FLYWCH1: variants seen among roughly 807,000 people sequenced by gnomAD.
FLYWCH1 encodes the protein FLYWCH-type zinc finger-containing protein 1.
In FLYWCH1, 75 loss-of-function variants were observed where a neutral mutation model predicts 66.4. That is an observed-to-expected ratio of 1.13 (90% confidence interval 0.94 to 1.37). The LOEUF (loss-of-function observed/expected upper bound fraction) is 1.37. Ranked by LOEUF, FLYWCH1 falls within the 40% of genes most tolerant of loss-of-function variation. FLYWCH1 has a pLI of 0.00. For missense variants in FLYWCH1, 1,334 were observed against 1,001.8 expected (o/e 1.33, Z -4.48); for synonymous variants, 595 against 429.9 (o/e 1.38, Z -4.75).
intron 4 of FLYWCH1, among the ~76,000 whole-genome samples, chr16:2,932,280 A>AAAAAC (rs2070792282): frequency 6.6e-6 from 1 of 150,864 alleles, no homozygotes; most frequent in Non-Finnish European, 1.5e-5. Flanking sequence ...CAAAAAAAAA[A>AAAAAC]AAAAAAAAAA....
chr16:2,942,167 A>T (rs139436327), intron 9 of FLYWCH1, among the ~76,000 whole-genome samples: 101 of 152,278 alleles, frequency 6.6e-4, no homozygotes, highest in African/African-American at 2.3e-3. Flanking sequence ...AAAATCAGGA[A>T]TAAAGATGAG....
chr16:2,938,607 GT>G (rs35169451), intron 8 of FLYWCH1, among the ~76,000 whole-genome samples, 151 bp downstream of exon 8: 71,543 of 129,486 alleles, frequency 0.55, 18,504 homozygotes, highest in African/African-American at 0.65. Context: ...ACCAGTCTTT[GT>G]TTTTTTTTTT....
rs1399267829 is a variant in FLYWCH1, at chr16:2,930,411, A to G, written c.327A>G (p.Ala109=). The part of the protein sequence containing the change: ...PEQKCSKLDA[A]APQSLEFLRT... ...AACCTAGCCTTCCCGTTCCCCCAGC[A>G]GCCCCTCAGTCCCTGGAGTTCCTGA... The change falls in exon 4 of 10, where the codon GCA becomes GCG. Residue 109 remains alanine (A), a splice_region_variant and synonymous_variant. Transcript: ENST00000253928. The G allele has an allele frequency of 4.1e-6, 6 of 1,450,604 alleles. No individual in the cohort carries two copies. In the South Asian group the frequency reaches 7.4e-5, roughly 18 times the overall value. 89.9% of individuals were successfully genotyped at this position (1,450,604 alleles called of 1,614,324 possible).
intron 9 of FLYWCH1, among the ~76,000 whole-genome samples, chr16:2,947,650 T>G (rs563804779): frequency 6.6e-6 from 1 of 151,764 alleles, no homozygotes; most frequent in East Asian, 1.9e-4. Context: ...TAATCCCAGC[T>G]ACTCATGAGG....
At chr16:2,932,992 A>T (rs767269772) in intron 4 of FLYWCH1, 138 bp from the exon 5 acceptor site, 1 of 735,892 alleles carries the variant, frequency 1.4e-6, no homozygotes, top group Non-Finnish European at 2.2e-6. Context: ...GGCCTCTGAC[A>T]TATCTGGCTC....
chr16:2,928,323 G>C (rs2070643579), intron 2 of FLYWCH1, among the ~76,000 whole-genome samples: 1 of 152,200 alleles, frequency 6.6e-6, no homozygotes, highest in South Asian at 2.1e-4. Context: ...GTGTCAGGCT[G>C]GGGGATGGTA....
intron 2 of FLYWCH1, among the ~76,000 whole-genome samples, chr16:2,919,365 A>G (rs775895428): frequency 2.0e-5 from 3 of 150,944 alleles, no homozygotes; most frequent in Non-Finnish European, 4.4e-5. Flanking sequence ...CCCTGGGTTC[A>G]AGCGATTCTC....
rs1238299184 is a variant in FLYWCH1 at position 2,938,475 on chromosome 16, G to A, written c.2050+19G>A. The A allele has an allele frequency of 1.3e-6, 2 of 1,510,226 alleles. No homozygotes were observed. Among genetic ancestry groups the A allele is most frequent in the Admixed American group, 4.5e-5 (2 of 44,272 alleles). 93.6% of individuals were successfully genotyped at this position (1,510,226 alleles called of 1,614,324 possible). A position where few individuals can be genotyped will look rare whatever the true frequency, so the allele number is the denominator to read the frequency against. On this transcript the variant is annotated intron_variant, in intron 8 of 9. Transcript: ENST00000253928. ...GACCCAGGTACAGGCAGGCTGTGGGGCAGAGGCAGGGCTGTGGGCATCCTC... is the reference window on the plus strand; with the variant it reads ...GACCCAGGTACAGGCAGGCTGTGGGACAGAGGCAGGGCTGTGGGCATCCTC...
chr16:2,914,445 G>A (rs1055814233), intron 2 of FLYWCH1, among the ~76,000 whole-genome samples, 156 bp downstream of exon 2: 6 of 152,228 alleles, frequency 3.9e-5, no homozygotes, highest in South Asian at 4.1e-4. Flanking sequence ...CAGCAGGACC[G>A]CAGCGTCCCA....
Position 2,929,860 on chromosome 16 carries a change from C to G in FLYWCH1, c.175C>G (p.Pro59Ala). Residue 59 changes from proline (P) to alanine (A), a missense_variant, in exon 3 of 10, where the codon CCC (proline) becomes GCC (alanine). Physicochemically the swap from Pro to Ala is conservative, Grantham distance 27. Coordinates refer to ENST00000253928, the MANE Select transcript of FLYWCH1 (RefSeq NM_001308068.2). ...DQDEDGVGSK[P>A]QEVHCVLSLE... ...AGATGAGGATGGGGTGGGATCCAAG[C>G]CCCAGGAAGTGCACTGCGTCCTGTC... 1 of 1,613,980 alleles carries G rather than the reference C, an allele frequency of 6.2e-7. No individual in the cohort carries two copies. Among genetic ancestry groups the G allele is most frequent in the Admixed American group, 1.7e-5 (1 of 60,024 alleles).
chr16:2,934,253 T>G (rs72770838), intron 6 of FLYWCH1, among the ~76,000 whole-genome samples: 9,289 of 152,132 alleles, frequency 0.061, 346 homozygotes, highest in Middle Eastern at 0.12. Context: ...CTCCTCTTCC[T>G]CCGTTTGTCT....
chr16:2,937,361 A>C lies in FLYWCH1; in HGVS notation c.1754A>C (p.Asn585Thr). The C allele has an allele frequency of 2.5e-6, 4 of 1,582,380 alleles. No individual in the cohort carries two copies. Among genetic ancestry groups the C allele is most frequent in the Middle Eastern group, 2.1e-4 (1 of 4,878 alleles). ...CTGCGGCAGCGGGAGCACTTCCCCA[A>C]CCTGGCGCAGTGGGACAGCCCAGGT... ...EALRQREHFP[N>T]LAQWDSPDPL... The change falls in exon 7 of 10, where the codon AAC (asparagine) becomes ACC (threonine). Residue 585 changes from asparagine (N) to threonine (T), a missense_variant. Coordinates refer to ENST00000253928, the MANE Select transcript of FLYWCH1 (RefSeq NM_001308068.2).
At chr16:2,947,400 C>T (rs1242852099) in intron 9 of FLYWCH1, among the ~76,000 whole-genome samples, 1 of 131,184 alleles carries the variant, frequency 7.6e-6, no homozygotes, top group Non-Finnish European at 1.6e-5. Flanking sequence ...GATGGTTGTA[C>T]AACTCTGAAT....
In FLYWCH1 at chr16:2,930,805, C is replaced by G; in HGVS notation, c.721C>G (p.Leu241Val). Residue 241 changes from leucine (L) to valine (V), a missense_variant, in exon 4 of 10, where the codon CTG (leucine) becomes GTG (valine). Physicochemically the swap from Leu to Val is conservative, Grantham distance 32. Coordinates refer to ENST00000253928, the MANE Select transcript of FLYWCH1 (RefSeq NM_001308068.2). ...TGGGCTGGTGCTGAGCAAGCCGGCC[C>G]TGGAGGAGGAGGAGGCACCCCGAGC... ...TPGLVLSKPA[L>V]EEEEAPRALS... is the part of the protein sequence containing the mutation. 1 of 1,601,756 alleles carries G rather than the reference C, an allele frequency of 6.2e-7. No individual in the cohort carries two copies. The highest frequency in any genetic ancestry group is 8.5e-7 in the Non-Finnish European group (1 of 1,177,566).
chr16:2,929,255 G>C (rs1008501475), intron 2 of FLYWCH1, among the ~76,000 whole-genome samples: 2 of 152,150 alleles, frequency 1.3e-5, no homozygotes, highest in Non-Finnish European at 2.9e-5. Context: ...CAATAAGAAC[G>C]TTCTGCCGTC....
At chr16:2,918,512 C>A (rs896622872) in intron 2 of FLYWCH1, among the ~76,000 whole-genome samples, 2 of 150,492 alleles carry the variant, frequency 1.3e-5, no homozygotes, top group Non-Finnish European at 2.9e-5. Flanking sequence ...AGGATCTTGG[C>A]TCACTGCAAC....
At chr16:2,926,227 C>T (rs192987394) in intron 2 of FLYWCH1, among the ~76,000 whole-genome samples, 128 of 152,230 alleles carry the variant, frequency 8.4e-4, no homozygotes, top group African/African-American at 2.9e-3. Context: ...CCATGGTTTC[C>T]AGAACAAGGA....
chr16:2,924,692 G>C (rs569818219), intron 2 of FLYWCH1, among the ~76,000 whole-genome samples: 6 of 152,222 alleles, frequency 3.9e-5, no homozygotes, highest in Non-Finnish European at 8.8e-5. Flanking sequence ...GTTCAGGCAG[G>C]TGGAGACAAA....
At chr16:2,932,264 C>T (rs549623212) in intron 4 of FLYWCH1, among the ~76,000 whole-genome samples, 2 of 128,158 alleles carry the variant, frequency 1.6e-5, no homozygotes, top group South Asian at 5.2e-4. Flanking sequence ...TGGCAGGACC[C>T]TGTCTCAAAA....
Sources: gnomAD v4.1 joint callset for allele counts (sites outside exome capture counted in the v4.1 genomes callset) on GRCh38, gnomAD v4.1.1 for gene constraint, MANE v1.5 for transcripts, NCBI Gene and HGNC (gene_info 2026-07-23, HGNC 2026-07-21) for gene names.